IL36B: variants seen among roughly 807,000 people sequenced by gnomAD.
IL36B encodes interleukin 36 beta.
IL36B carries 23 observed loss-of-function variants against 19.3 expected under a neutral mutation model. That is an observed-to-expected ratio of 1.19 (90% CI 0.86 to 1.69). The LOEUF (loss-of-function observed/expected upper bound fraction) is 1.69. Among genes scored for constraint, IL36B ranks in the 40% most tolerant of loss-of-function variants. The pLI is 0.00. For synonymous variants in IL36B, 59 were observed against 59.7 expected (o/e 0.99, Z 0.05); for missense variants, 217 against 200.5 (o/e 1.08, Z -0.50).
chr2:113,031,970 C>G (rs1685084455), intron 1 of IL36B, among the ~76,000 whole-genome samples: 1 of 152,160 alleles, frequency 6.6e-6, no homozygotes, highest in African/African-American at 2.4e-5. Context: ...TCTGCTGTGG[C>G]TGGCACAGTC....
Position 113,037,979 on chromosome 2 carries a change from A to G in IL36B, c.-57-6213T>C, listed in dbSNP as rs34510646. 1.6e-3 allele frequency among the ~76,000 whole-genome samples: 241 copies of G among 152,322 alleles called. 1 individual carries two copies. The highest frequency in any genetic ancestry group is 5.5e-3 in the African/African-American group (229 of 41,568). ...TCTTTAGTTTAATTTATGCTTCACA[A>G]TTAGGGCAGATCTGAATAACAGGAG... is the stretch of plus-strand genomic sequence containing the variant. On this transcript the variant is annotated intron_variant, in intron 1 of 5. Transcript: ENST00000259213.
intron 1 of IL36B, among the ~76,000 whole-genome samples, chr2:113,050,262 C>T (rs1685419726): frequency 6.6e-6 from 1 of 152,080 alleles, no homozygotes; most frequent in African/African-American, 2.4e-5. Context: ...ACCACACAGC[C>T]TTAAAAGGAA....
At chr2:113,047,373 C>T (rs980939333) in intron 1 of IL36B, among the ~76,000 whole-genome samples, 2 of 152,090 alleles carry the variant, frequency 1.3e-5, no homozygotes, top group African/African-American at 4.8e-5. Context: ...TTTTGAGTGT[C>T]ATGTTGGTGC....
chr2:113,042,097 G>T (rs555668713), intron 1 of IL36B, among the ~76,000 whole-genome samples: 1 of 152,258 alleles, frequency 6.6e-6, no homozygotes, highest in South Asian at 2.1e-4. Flanking sequence ...TCTGACACCA[G>T]CCATGGGTTT....
intron 1 of IL36B, among the ~76,000 whole-genome samples, chr2:113,034,011 C>T (rs753908047): frequency 2.0e-5 from 3 of 152,162 alleles, no homozygotes; most frequent in Non-Finnish European, 2.9e-5. Flanking sequence ...TTCTTACCTC[C>T]CTAGAGTCAG....
intron 2 of IL36B, 49 bp downstream of exon 2, chr2:113,031,648 T>C: frequency 3.3e-6 from 5 of 1,522,598 alleles, no homozygotes; most frequent in Non-Finnish European, 4.6e-6. Context: ...TTGTCTTTGA[T>C]GAGGTCAGAT....
Position 113,036,354 on chromosome 2 carries a change from C to CT in IL36B, c.-57-4589dup, listed in dbSNP as rs367626558. ...ATTTTATTTATCTGAAAACACCTTG[C>CT]TTTTTTTTTTTTTTTCATGAAGTGG... On this transcript the variant is annotated intron_variant, in intron 1 of 5. Coordinates refer to ENST00000259213, the MANE Select transcript of IL36B (RefSeq NM_014438.5). 7.1e-3 allele frequency among the ~76,000 whole-genome samples: 952 copies of CT among 134,854 alleles called. 5 individuals are homozygous for CT. The highest frequency in any genetic ancestry group is 0.018 in the African/African-American group (666 of 36,470). The allele number at this position is 134,854 out of a possible 152,430, so 88.5% of individuals were successfully genotyped here. A position where few individuals can be genotyped will look rare whatever the true frequency, so the allele number is the denominator to read the frequency against.
In IL36B at chr2:113,026,116, C is replaced by T; in HGVS notation, c.378G>A (p.Trp126Ter). ...TTTGCTCCTCACCCACTCCTATTCC[C>T]CATTGGTCAAGGGTTCCCATGAAGC... Residue 126 changes from tryptophan (W) to a stop codon, truncating the protein, a stop_gained, in exon 5 of 6, where the codon TGG becomes TGA. Coordinates refer to ENST00000259213, the MANE Select transcript of IL36B (RefSeq NM_014438.5). LOFTEE classifies it high-confidence loss of function. The T allele has an allele frequency of 6.2e-7, 1 of 1,613,708 alleles. No individual in the cohort carries two copies. Among genetic ancestry groups the T allele is most frequent in the Non-Finnish European group, 8.5e-7 (1 of 1,179,742 alleles).
At chr2:113,037,016 T>C (rs535121312) in intron 1 of IL36B, among the ~76,000 whole-genome samples, 1 of 152,380 alleles carries the variant, frequency 6.6e-6, no homozygotes, top group East Asian at 1.9e-4. Flanking sequence ...GTCGAAACTA[T>C]GGAGTTGAGG....
chr2:113,031,869 G>T (rs1685082292), intron 1 of IL36B, 103 bp from the exon 2 acceptor site: 2 of 619,148 alleles, frequency 3.2e-6, no homozygotes, highest in Non-Finnish European at 5.8e-6. Context: ...AGAGAGAGCT[G>T]CCCTGAGAGC....
intron 1 of IL36B, among the ~76,000 whole-genome samples, chr2:113,048,441 C>CAAACAAA (rs1685385303): frequency 6.6e-6 from 1 of 151,908 alleles, no homozygotes; most frequent in Admixed American, 6.6e-5. Context: ...GACTCTGCCT[C>CAAACAAA]AAACAAAAAA....
At chr2:113,052,315 C>T (rs189315169) in intron 1 of IL36B, among the ~76,000 whole-genome samples, 4 of 152,246 alleles carry the variant, frequency 2.6e-5, no homozygotes, top group African/African-American at 7.2e-5. Flanking sequence ...CCCCCAGCCT[C>T]GAGCTCTGCC....
chr2:113,027,836 CT>C, intron 4 of IL36B: 1 of 1,584,596 alleles, frequency 6.3e-7, no homozygotes, highest in Non-Finnish European at 8.6e-7. Flanking sequence ...GCATAATGAT[CT>C]GTTAAGATGA....
intron 1 of IL36B, among the ~76,000 whole-genome samples, chr2:113,033,638 G>A (rs1051836218): frequency 6.6e-6 from 1 of 152,184 alleles, no homozygotes; most frequent in Admixed American, 6.5e-5. Flanking sequence ...CAGCTACTAA[G>A]AAATCTAGCC....
At chr2:113,031,658 T>C (rs1433239957) in intron 2 of IL36B, 39 bp downstream of exon 2, 2 of 1,566,960 alleles carry the variant, frequency 1.3e-6, no homozygotes, top group Admixed American at 3.3e-5. Context: ...TGAGGTCAGA[T>C]GGAGATATTT....
intron 1 of IL36B, among the ~76,000 whole-genome samples, chr2:113,037,199 C>G (rs1197762682): frequency 1.3e-5 from 2 of 152,206 alleles, no homozygotes; most frequent in East Asian, 1.9e-4. Flanking sequence ...GTGTGTCCAC[C>G]TATCCATGTC....
intron 2 of IL36B, 97 bp downstream of exon 2, chr2:113,031,600 T>C (rs538025588): frequency 9.1e-7 from 1 of 1,102,398 alleles, no homozygotes; most frequent in South Asian, 1.3e-5. Context: ...AGCAAATACA[T>C]TTATAGCTTA....
intron 1 of IL36B, among the ~76,000 whole-genome samples, chr2:113,033,528 T>C (rs971340080): frequency 2.0e-5 from 3 of 152,192 alleles, no homozygotes; most frequent in Admixed American, 6.5e-5. Flanking sequence ...CGTGAGCCAC[T>C]GCACCCGTCC....
intron 1 of IL36B, among the ~76,000 whole-genome samples, chr2:113,051,328 G>A (rs766282694): frequency 3.3e-5 from 5 of 152,252 alleles, no homozygotes; most frequent in Non-Finnish European, 7.3e-5. Flanking sequence ...CCTGAATGTG[G>A]ATCTGGGGTA....
Sources: allele counts gnomAD v4.1 joint callset (sites outside exome capture counted in the v4.1 genomes callset), GRCh38; gene constraint gnomAD v4.1.1; transcripts MANE v1.5; gene names NCBI Gene and HGNC (gene_info 2026-07-23, HGNC 2026-07-21).